Variants in UGT1A6 observed in about 807,000 individuals in gnomAD.
UGT1A6 encodes the protein UDP glucuronosyltransferase family 1 member A6.
UGT1A6 carries 32 observed loss-of-function variants against 44.4 expected under a neutral mutation model. That is an observed-to-expected ratio of 0.72 (90% confidence interval 0.54 to 0.97). The LOEUF (loss-of-function observed/expected upper bound fraction) is 0.97, where lower values mean the gene tolerates loss of function less well. UGT1A6 is among the 50% of genes least tolerant of loss of function. UGT1A6 has a pLI of 0.00. For missense variants in UGT1A6, 685 were observed against 661.9 expected (o/e 1.03, Z -0.38); for synonymous variants, 238 against 248.5 (o/e 0.96, Z 0.40).
At chr2:233,739,588 C>A (rs1487878859) in intron 1 of UGT1A6, among the ~76,000 whole-genome samples, 1 of 152,180 alleles carries the variant, frequency 6.6e-6, no homozygotes, top group African/African-American at 2.4e-5. Context: ...TTGCATGGGG[C>A]CTATAGCCCC....
At chr2:233,737,511 CCT>C (rs2078889208) in intron 1 of UGT1A6, among the ~76,000 whole-genome samples, 2 of 152,340 alleles carry the variant, frequency 1.3e-5, no homozygotes, top group South Asian at 4.1e-4. Flanking sequence ...TCTTGCACTT[CCT>C]AGGTGAGGCG....
chr2:233,713,025 C>G, intron 1 of UGT1A6: 1 of 1,613,852 alleles, frequency 6.2e-7, no homozygotes, highest in Non-Finnish European at 8.5e-7. Context: ...CCTGCCGCAG[C>G]TGGCCACAGG....
chr2:233,772,831 T>TCACACAAGAAAGCCAGCAAGGAAGCAAGG lies in UGT1A6; in HGVS notation c.*273_*274insACACAAGAAAGCCAGCAAGGAAGCAAGGC. On this transcript the variant is annotated 3_prime_UTR_variant, in exon 5 of 5. Coordinates refer to ENST00000305139, the MANE Select transcript of UGT1A6 (RefSeq NM_001072.4). ...AGAGGACGTGCAGACAGGCTGGCAT[T>TCACACAAGAAAGCCAGCAAGGAAGCAAGG]CTAGATTACTTTTCTTACTCTGAAA... The TCACACAAGAAAGCCAGCAAGGAAGCAAGG allele has an allele frequency of 4.5e-6, 4 of 893,952 alleles. No individual in the cohort carries two copies. Among genetic ancestry groups the TCACACAAGAAAGCCAGCAAGGAAGCAAGG allele is most frequent in the Non-Finnish European group, 6.2e-6 (4 of 642,656 alleles). 55.4% of individuals were successfully genotyped at this position (893,952 alleles called of 1,614,324 possible).
chr2:233,726,096 G>T (rs1250649132), intron 1 of UGT1A6, among the ~76,000 whole-genome samples: 3 of 152,168 alleles, frequency 2.0e-5, no homozygotes, highest in African/African-American at 7.2e-5. Flanking sequence ...ATCCGAGGAG[G>T]TGGAGGCTGC....
At chr2:233,725,402 C>T (rs1244153836) in intron 1 of UGT1A6, among the ~76,000 whole-genome samples, 1 of 151,460 alleles carries the variant, frequency 6.6e-6, no homozygotes, top group Non-Finnish European at 1.5e-5. Context: ...CCTTGATGGT[C>T]TAATACAGAA....
chr2:233,744,930 A>G (rs1692966910), intron 1 of UGT1A6, among the ~76,000 whole-genome samples: 1 of 151,906 alleles, frequency 6.6e-6, no homozygotes, highest in African/African-American at 2.4e-5. Flanking sequence ...CTTTTATAAA[A>G]TGACACAGTA....
intron 1 of UGT1A6, among the ~76,000 whole-genome samples, chr2:233,711,748 A>G (rs2076195201): frequency 6.6e-6 from 1 of 152,234 alleles, no homozygotes; most frequent in Non-Finnish European, 1.5e-5. Flanking sequence ...ACGGCCAGGC[A>G]TGTAGACACA....
Position 233,768,298 on chromosome 2 carries a change from T to A in UGT1A6, c.1160T>A (p.Met387Lys). The A allele has an allele frequency of 6.2e-7, 1 of 1,614,192 alleles. No individual in the cohort carries two copies. Reference protein sequence around the residue: ...VYESICNGVPMVMMPLFGDQM... With the variant: ...VYESICNGVPKVMMPLFGDQM... ...GAAAGCATATGCAATGGCGTTCCCA[T>A]GGTGATGATGCCCTTGTTTGGTGAT... Residue 387 changes from methionine (M) to lysine (K), a missense_variant, in exon 4 of 5, where the codon ATG (methionine) becomes AAG (lysine). Met to Lys is a moderately conservative substitution (Grantham distance 95, BLOSUM62 -1). Transcript: ENST00000305139.
At position 233,772,474 on chromosome 2, in the gene UGT1A6, C is replaced by G; in HGVS notation, c.1514C>G (p.Thr505Ser). The G allele has an allele frequency of 6.2e-7, 1 of 1,614,104 alleles. No individual in the cohort carries two copies. Among genetic ancestry groups the G allele is most frequent in the Non-Finnish European group, 8.5e-7 (1 of 1,180,024 alleles). Residue 505 changes from threonine (T) to serine (S), a missense_variant, in exon 5 of 5, where the codon ACC (threonine) becomes AGC (serine). By Grantham distance (58) the Thr-to-Ser change is moderately conservative. Transcript: ENST00000305139. ...GTCGTGCTGACAGTGGCCTTCATCA[C>G]CTTTAAATGTTGTGCTTATGGCTAC... is the stretch of plus-strand genomic sequence containing the variant. The part of the protein sequence containing the change: ...LAVVLTVAFI[T>S]FKCCAYGYRK...
intron 1 of UGT1A6, chr2:233,760,312 C>A (rs370790922): frequency 6.2e-7 from 1 of 1,613,816 alleles, no homozygotes; most frequent in Non-Finnish European, 8.5e-7. Flanking sequence ...CCAGGGCGGA[C>A]GCCCACTTGT....
Position 233,712,193 on chromosome 2 carries a change from C to A in UGT1A6, c.861+18328C>A, listed in dbSNP as rs144263331. Reference sequence around the variant, plus strand: ...ATCTGAGGCCAGGCTCCAGCTCCCCCGGTCCCTTGGTGAGCAGGAGCTCCC... The same window carrying A: ...ATCTGAGGCCAGGCTCCAGCTCCCCAGGTCCCTTGGTGAGCAGGAGCTCCC... On this transcript the variant is annotated intron_variant, in intron 1 of 4. Transcript: ENST00000305139. Among the ~76,000 whole-genome samples the A allele has an allele frequency of 5.1e-3, 772 of 152,336 alleles. 4 individuals carry two copies. The highest frequency in any genetic ancestry group is 8.4e-3 in the Non-Finnish European group (571 of 68,036).
intron 1 of UGT1A6, chr2:233,713,360 C>G: frequency 6.2e-7 from 1 of 1,614,162 alleles, no homozygotes; most frequent in Non-Finnish European, 8.5e-7. Flanking sequence ...TGTCTTTGAT[C>G]ATACATAGGT....
chr2:233,754,897 C>T (rs779851030), intron 1 of UGT1A6: 5 of 1,351,174 alleles, frequency 3.7e-6, no homozygotes, highest in Non-Finnish European at 5.0e-6. Context: ...TTCCTCTGAC[C>T]CCCCAAAATA....
rs541409164 is a variant in UGT1A6, at chr2:233,760,784, T to G, written c.862-6250T>G. ...CCCATCGTGGCCCAGTACCTGTCTC[T>G]GCCCACTGTATTCTTCTTGCATGCA... On this transcript the variant is annotated intron_variant, in intron 1 of 4. Transcript: ENST00000305139. 7 of 1,613,832 alleles carry G rather than the reference T, an allele frequency of 4.3e-6. No homozygotes were observed. In the East Asian group the frequency reaches 1.6e-4, roughly 36 times the overall value.
At chr2:233,740,327 T>C (rs1299928906) in intron 1 of UGT1A6, among the ~76,000 whole-genome samples, 2 of 151,910 alleles carry the variant, frequency 1.3e-5, no homozygotes, top group Non-Finnish European at 2.9e-5. Context: ...TCTGCATTTA[T>C]TGAGAAAGTT....
chr2:233,735,465 A>C (rs1036180168), intron 1 of UGT1A6, among the ~76,000 whole-genome samples: 1 of 151,962 alleles, frequency 6.6e-6, no homozygotes, highest in Admixed American at 6.6e-5. Context: ...TCTTTATCCA[A>C]TTTGCCAGTC....
At chr2:233,745,298 A>G (rs1339213768) in intron 1 of UGT1A6, among the ~76,000 whole-genome samples, 1 of 151,884 alleles carries the variant, frequency 6.6e-6, no homozygotes, top group East Asian at 1.9e-4. Flanking sequence ...TAAACGTGGG[A>G]TGCAGTGATT....
intron 1 of UGT1A6, among the ~76,000 whole-genome samples, chr2:233,740,004 G>C (rs1691279372): frequency 6.6e-6 from 1 of 151,810 alleles, no homozygotes; most frequent in African/African-American, 2.4e-5. Context: ...GTCATACTAA[G>C]TGAGTTCTCA....
At chr2:233,760,437 G>A (rs1351570136) in intron 1 of UGT1A6, 1 of 1,614,104 alleles carries the variant, frequency 6.2e-7, no homozygotes, top group East Asian at 2.2e-5. Flanking sequence ...TCCAGCAGCT[G>A]CAGCAGAGGG....
Sources: allele counts gnomAD v4.1 joint callset (sites outside exome capture counted in the v4.1 genomes callset), GRCh38; gene constraint gnomAD v4.1.1; transcripts MANE v1.5; gene names NCBI Gene and HGNC (gene_info 2026-07-23, HGNC 2026-07-21).